SLIT3: variants seen among roughly 807,000 people sequenced by gnomAD.
SLIT3 encodes slit homolog 3 protein.
In SLIT3, 68 loss-of-function variants were observed where a neutral mutation model predicts 184.0. The observed-to-expected ratio is 0.37, with a 90% confidence interval of 0.30 to 0.45. The LOEUF is 0.45. Among genes scored for constraint, SLIT3 ranks in the 20% least tolerant of loss-of-function variants. The probability of loss-of-function intolerance (pLI) is 1.00; values close to 1 mark genes in which losing one functional copy is unlikely to be tolerated. For synonymous variants in SLIT3, 831 were observed against 828.6 expected, an observed-to-expected ratio of 1.00 and a Z score of -0.05; for missense variants, 1,707 against 2,026.0, an observed-to-expected ratio of 0.84 and a Z score of 3.02.
In SLIT3 at chr5:169,072,300, A is replaced by G. The variant is rs111607189; in HGVS notation, c.413+121179T>C. Among the ~76,000 whole-genome samples, 18 of 152,322 alleles carry G rather than the reference A, an allele frequency of 1.2e-4. No individual in the cohort carries two copies. The East Asian group carries it at 1.5e-3, about 13-fold the overall frequency. The stretch of plus-strand genomic sequence containing the variant: ...ACAGGAGACTTGAGATTTATCTTCA[A>G]TGTACTACTTTGTGACCTTAGAGAA... On this transcript the variant is annotated intron_variant, in intron 4 of 35. Coordinates refer to ENST00000519560, the MANE Select transcript of SLIT3 (RefSeq NM_003062.4).
intron 5 of SLIT3, among the ~76,000 whole-genome samples, chr5:168,847,803 T>G (rs537883875): frequency 6.6e-5 from 10 of 152,260 alleles, no homozygotes; most frequent in African/African-American, 2.4e-4. Flanking sequence ...AGCAGTTTGC[T>G]TCTGGGGTTT....
chr5:168,713,986 T>G (rs1036860202), intron 23 of SLIT3, among the ~76,000 whole-genome samples: 1 of 152,186 alleles, frequency 6.6e-6, no homozygotes, highest in African/African-American at 2.4e-5. Flanking sequence ...TCCTCTTAGT[T>G]ACCCTCCATT....
chr5:168,880,588 CA>C (rs1218080908), intron 5 of SLIT3, among the ~76,000 whole-genome samples: 2 of 152,244 alleles, frequency 1.3e-5, no homozygotes, highest in African/African-American at 4.8e-5. Context: ...TTTCATGCAT[CA>C]AGCGTAGGAC....
In SLIT3 at chr5:169,175,373, G is replaced by C. The variant is rs59442651; in HGVS notation, c.413+18106C>G. The stretch of plus-strand genomic sequence containing the variant: ...GCGGTTTCCCCTCTTCCCACTCCTA[G>C]TACACAGAAAGGTTAATGGGTTAGG... On this transcript the variant is annotated intron_variant, in intron 4 of 35. Transcript: ENST00000519560. Among the ~76,000 whole-genome samples the C allele has an allele frequency of 5.7e-3, 869 of 152,246 alleles. 13 individuals carry two copies. The highest frequency in any genetic ancestry group is 0.02 in the African/African-American group (827 of 41,536).
At chr5:169,174,167 G>A (rs920374875) in intron 4 of SLIT3, among the ~76,000 whole-genome samples, 1 of 152,308 alleles carries the variant, frequency 6.6e-6, no homozygotes, top group Middle Eastern at 3.4e-3. Flanking sequence ...CTCTGAGCCT[G>A]GGGTCTTTCG....
intron 4 of SLIT3, among the ~76,000 whole-genome samples, chr5:169,052,604 G>C (rs1235885980): frequency 6.6e-6 from 1 of 152,164 alleles, no homozygotes; most frequent in East Asian, 1.9e-4. Flanking sequence ...AAAGAATATG[G>C]AGTGTGAGCA....
chr5:168,908,522 C>T (rs372409000), intron 4 of SLIT3, among the ~76,000 whole-genome samples: 3 of 152,272 alleles, frequency 2.0e-5, no homozygotes, highest in East Asian at 3.9e-4. Context: ...CCAGACCTTT[C>T]GTGGACTGCA....
intron 4 of SLIT3, among the ~76,000 whole-genome samples, chr5:169,184,196 G>A (rs995626836): frequency 5.9e-5 from 9 of 152,218 alleles, no homozygotes; most frequent in Middle Eastern, 6.8e-3. Flanking sequence ...ACTCATATGC[G>A]CTTATAAGTT....
At chr5:168,900,177 C>T (rs763950366) in intron 4 of SLIT3, among the ~76,000 whole-genome samples, 8 of 152,144 alleles carry the variant, frequency 5.3e-5, no homozygotes, top group East Asian at 1.9e-4. Flanking sequence ...AGCACTTATA[C>T]GTGGTTGGTG....
At chr5:168,721,862 C>A (rs1192908489) in intron 23 of SLIT3, among the ~76,000 whole-genome samples, 1 of 152,128 alleles carries the variant, frequency 6.6e-6, no homozygotes, top group African/African-American at 2.4e-5. Flanking sequence ...TGCTGCATTG[C>A]CCCTCTGAGG....
At chr5:168,894,640 G>A (rs1205990641) in intron 4 of SLIT3, among the ~76,000 whole-genome samples, 1 of 152,176 alleles carries the variant, frequency 6.6e-6, no homozygotes, top group African/African-American at 2.4e-5. Context: ...CTGAGGCGTG[G>A]GAATGAGCAG....
chr5:168,763,232 C>T (rs925218049), intron 14 of SLIT3, among the ~76,000 whole-genome samples: 22 of 152,038 alleles, frequency 1.4e-4, no homozygotes, highest in Non-Finnish European at 1.8e-4. Context: ...AAAACGAGTA[C>T]AGGCCAAGTA....
chr5:169,127,391 G>C (rs1353877260), intron 4 of SLIT3, among the ~76,000 whole-genome samples: 1 of 152,144 alleles, frequency 6.6e-6, no homozygotes, highest in African/African-American at 2.4e-5. Context: ...ACACAAAATG[G>C]TTTGCCCAGG....
At chr5:168,855,392 C>G (rs1758827522) in intron 5 of SLIT3, among the ~76,000 whole-genome samples, 1 of 152,178 alleles carries the variant, frequency 6.6e-6, no homozygotes, top group African/African-American at 2.4e-5. Context: ...GAATTAAAAA[C>G]AGGTGTTCAA....
chr5:169,027,749 C>T (rs979076950), intron 4 of SLIT3, among the ~76,000 whole-genome samples: 1 of 152,152 alleles, frequency 6.6e-6, no homozygotes, highest in African/African-American at 2.4e-5. Flanking sequence ...TTCCTCCTGC[C>T]TTGTTTCCTG....
intron 21 of SLIT3, among the ~76,000 whole-genome samples, chr5:168,723,328 C>G (rs1387012297): frequency 6.6e-6 from 1 of 150,532 alleles, no homozygotes; most frequent in Non-Finnish European, 1.5e-5. Context: ...ATCCCACCCT[C>G]CCTTCCTCCC....
intron 5 of SLIT3, among the ~76,000 whole-genome samples, chr5:168,856,811 G>GCGCGCACA (rs1554149499): frequency 4.6e-5 from 7 of 151,298 alleles, no homozygotes; most frequent in African/African-American, 1.7e-4. Flanking sequence ...GTGTGTGCGC[G>GCGCGCACA]CGCGCGCACG....
intron 4 of SLIT3, among the ~76,000 whole-genome samples, chr5:168,967,257 T>G (rs1172521119): frequency 6.6e-6 from 1 of 151,828 alleles, no homozygotes; most frequent in Non-Finnish European, 1.5e-5. Flanking sequence ...AGACACACAC[T>G]GGGGTAAAAT....
intron 4 of SLIT3, among the ~76,000 whole-genome samples, chr5:169,034,932 T>C (rs1757177073): frequency 6.7e-6 from 1 of 149,928 alleles, no homozygotes; most frequent in Admixed American, 6.6e-5. Flanking sequence ...TGTGTGTGTG[T>C]GTGTGTGTGT....
Sources: allele counts gnomAD v4.1 joint callset (sites outside exome capture counted in the v4.1 genomes callset), GRCh38; gene constraint gnomAD v4.1.1; transcripts MANE v1.5; gene names NCBI Gene and HGNC (gene_info 2026-07-23, HGNC 2026-07-21).